Variants in AFF3 observed in about 807,000 individuals in gnomAD.
The protein encoded by AFF3 is AF4/FMR2 family member 3.
AFF3 carries 32 observed loss-of-function variants against 129.7 expected under a neutral mutation model. The observed-to-expected ratio is 0.25, with a 90% confidence interval of 0.19 to 0.33. The LOEUF (loss-of-function observed/expected upper bound fraction) is 0.33. Ranked by LOEUF, AFF3 falls within the 10% of genes least tolerant of loss-of-function variation. The pLI, the probability that AFF3 is intolerant of heterozygous loss-of-function variation, is 1.00. For missense variants in AFF3, 1,373 were observed against 1,592.0 expected (o/e 0.86, Z 2.34); for synonymous variants, 644 against 635.4 (o/e 1.01, Z -0.20).
intron 11 of AFF3, among the ~76,000 whole-genome samples, chr2:99,705,372 A>C (rs566023421): frequency 6.6e-6 from 1 of 152,172 alleles, no homozygotes; most frequent in African/African-American, 2.4e-5. Flanking sequence ...GAAAACAACA[A>C]GAGAGGGGCT....
At chr2:100,019,047 C>A (rs1683369830) in intron 4 of AFF3, among the ~76,000 whole-genome samples, 1 of 152,198 alleles carries the variant, frequency 6.6e-6, no homozygotes, top group Non-Finnish European at 1.5e-5. Context: ...CCCTTCCCTG[C>A]AATCCTTGCT....
intron 13 of AFF3, among the ~76,000 whole-genome samples, chr2:99,646,348 G>A (rs1488860584): frequency 6.6e-6 from 1 of 152,144 alleles, no homozygotes; most frequent in Non-Finnish European, 1.5e-5. Flanking sequence ...CAGTGTGCAT[G>A]GCCAGAGCCA....
At chr2:99,897,046 C>A (rs546909666) in intron 7 of AFF3, among the ~76,000 whole-genome samples, 51 of 152,194 alleles carry the variant, frequency 3.4e-4, no homozygotes, top group African/African-American at 1.1e-3. Context: ...TTAGTTACTA[C>A]ATATAATTTT....
chr2:99,874,663 C>T (rs959506371), intron 7 of AFF3, among the ~76,000 whole-genome samples: 10 of 151,934 alleles, frequency 6.6e-5, no homozygotes, highest in Non-Finnish European at 1.5e-5. Flanking sequence ...GATTCTGGAT[C>T]ACAGGGCAGA....
At chr2:99,670,759 C>G (rs1479127561) in intron 12 of AFF3, among the ~76,000 whole-genome samples, 1 of 152,136 alleles carries the variant, frequency 6.6e-6, no homozygotes, top group Admixed American at 6.5e-5. Context: ...AAACCACTGT[C>G]TGGAGTCTTA....
chr2:99,962,942 G>A (rs188770227), intron 7 of AFF3, among the ~76,000 whole-genome samples: 4 of 150,606 alleles, frequency 2.7e-5, no homozygotes, highest in Admixed American at 1.3e-4. Flanking sequence ...ACAGATTGAC[G>A]AAATCCAAAT....
chr2:99,742,814 G>A (rs550688198), intron 10 of AFF3, among the ~76,000 whole-genome samples: 1 of 152,346 alleles, frequency 6.6e-6, no homozygotes, highest in Admixed American at 6.5e-5. Flanking sequence ...AATACTGTAA[G>A]TCAGGACGCT....
chr2:99,678,794 T>A (rs1674252369), intron 11 of AFF3, among the ~76,000 whole-genome samples: 1 of 152,242 alleles, frequency 6.6e-6, no homozygotes, highest in South Asian at 2.1e-4. Flanking sequence ...TGCAAGTGCA[T>A]CTCTCTGCAG....
chr2:99,894,570 G>A (rs946899179), intron 7 of AFF3, among the ~76,000 whole-genome samples: 21 of 151,544 alleles, frequency 1.4e-4, no homozygotes, highest in African/African-American at 4.8e-4. Context: ...CTGGGTTCAC[G>A]CCATTCTCCT....
intron 12 of AFF3, among the ~76,000 whole-genome samples, chr2:99,666,221 G>C (rs1686658588): frequency 6.6e-6 from 1 of 152,108 alleles, no homozygotes; most frequent in Admixed American, 6.5e-5. Flanking sequence ...GTGAAATTCA[G>C]GTTGTTTACT....
At chr2:99,980,884 A>G (rs1679338369) in intron 7 of AFF3, among the ~76,000 whole-genome samples, 1 of 152,268 alleles carries the variant, frequency 6.6e-6, no homozygotes, top group Non-Finnish European at 1.5e-5. Flanking sequence ...CAATCAAGAT[A>G]AGCTCTAGTA....
chr2:99,757,652 G>A (rs1049283505), intron 8 of AFF3, among the ~76,000 whole-genome samples: 1 of 152,054 alleles, frequency 6.6e-6, no homozygotes, highest in Non-Finnish European at 1.5e-5. Context: ...CATATCCTGG[G>A]CTACCTCTAA....
intron 1 of AFF3, among the ~76,000 whole-genome samples, chr2:100,135,328 C>CT (rs1391991935): frequency 3.9e-5 from 6 of 152,160 alleles, no homozygotes; most frequent in African/African-American, 1.4e-4. Flanking sequence ...CTTAGCAGGC[C>CT]TGGTGACTGC....
At chr2:99,612,435 C>T (rs1369691827) in intron 13 of AFF3, among the ~76,000 whole-genome samples, 1 of 152,158 alleles carries the variant, frequency 6.6e-6, no homozygotes, top group African/African-American at 2.4e-5. Flanking sequence ...GTATACCAAA[C>T]CTGAAAAGGA....
intron 7 of AFF3, among the ~76,000 whole-genome samples, chr2:100,004,072 T>C (rs991752004): frequency 6.2e-4 from 95 of 152,212 alleles, no homozygotes; most frequent in Admixed American, 3.3e-4. Context: ...CAAACAGCTA[T>C]TTTTGTATGG....
At chr2:99,836,393 T>G (rs1688878297) in intron 8 of AFF3, among the ~76,000 whole-genome samples, 2 of 152,212 alleles carry the variant, frequency 1.3e-5, no homozygotes, top group South Asian at 4.1e-4. Flanking sequence ...AAATATACTA[T>G]GTATTTTATT....
chr2:100,028,854 G>A (rs1312392013), intron 4 of AFF3, among the ~76,000 whole-genome samples: 2 of 152,096 alleles, frequency 1.3e-5, no homozygotes, highest in South Asian at 4.1e-4. Flanking sequence ...AAAACAGCAT[G>A]GGAGGTTCCT....
intron 7 of AFF3, among the ~76,000 whole-genome samples, chr2:99,839,844 T>C (rs1689185729): frequency 1.3e-5 from 2 of 151,596 alleles, no homozygotes; most frequent in South Asian, 4.2e-4. Context: ...ACTCCTGACC[T>C]TGTGATCTGT....
intron 13 of AFF3, among the ~76,000 whole-genome samples, chr2:99,629,064 G>C (rs1682880778): frequency 6.6e-6 from 1 of 151,870 alleles, no homozygotes; most frequent in African/African-American, 2.4e-5. Flanking sequence ...CACCATGTTG[G>C]CCAGGCTGGT....
Sources: gnomAD v4.1 joint callset for allele counts (sites outside exome capture counted in the v4.1 genomes callset) on GRCh38, gnomAD v4.1.1 for gene constraint, MANE v1.5 for transcripts, NCBI Gene and HGNC (gene_info 2026-07-23, HGNC 2026-07-21) for gene names.